PRCC: variants seen among roughly 807,000 people sequenced by gnomAD.
The protein encoded by PRCC is proline rich mitotic checkpoint control factor.
A neutral mutation model predicts 44.0 loss-of-function variants in PRCC; 10 were observed. The ratio of observed to expected loss-of-function variants is 0.23; its 90% CI spans 0.14 to 0.39. The LOEUF is 0.39. PRCC is among the 10% of genes least tolerant of loss of function. The pLI, the probability that PRCC is intolerant of heterozygous loss-of-function variation, is 1.00. For missense variants in PRCC, 573 were observed against 624.7 expected (o/e 0.92, Z 0.88); for synonymous variants, 278 against 259.5 (o/e 1.07, Z -0.69).
chr1:156,795,932 G>A lies in PRCC; in HGVS notation c.1323+1124G>A, dbSNP rs1429932425. On this transcript the variant is annotated intron_variant, in intron 5 of 6. Transcript: ENST00000271526. ...GCCCAGCACCAGCGAGACCAAGGTC[G>A]AGGATTTTGTTCCCTTTTCCTCCCC... 3.9e-5 allele frequency: 6 copies of A among 152,338 alleles called. No individual in the cohort carries two copies. In the East Asian group the frequency reaches 9.6e-4, roughly 24 times the overall value. 9.4% of individuals were successfully genotyped at this position (152,338 alleles called of 1,614,324 possible).
At chr1:156,781,758 A>G (rs1427303578) in intron 1 of PRCC, among the ~76,000 whole-genome samples, 3 of 152,220 alleles carry the variant, frequency 2.0e-5, no homozygotes, top group East Asian at 3.9e-4. Context: ...GATTTCTCCA[A>G]TGGCTTTGAC....
intron 5 of PRCC, 26 bp downstream of exon 5, chr1:156,794,834 G>A (rs1393412136): frequency 6.2e-7 from 1 of 1,613,390 alleles, no homozygotes; most frequent in Non-Finnish European, 8.5e-7. Flanking sequence ...CTATTGAGTG[G>A]TCAGCTTGGG....
In PRCC at chr1:156,795,283, G is replaced by GTGTTTTTTTTTTTT. The variant is rs1558055156; in HGVS notation, c.1323+477_1323+490dup. ...TCCTTCCAATTGTTTTCATTTTCTG[G>GTGTTTTTTTTTTTT]TGTTTTTTTTTTTTTTTTTTTTTTT... On this transcript the variant is annotated intron_variant, in intron 5 of 6. Coordinates refer to ENST00000271526, the MANE Select transcript of PRCC (RefSeq NM_005973.5). Among the ~76,000 whole-genome samples the GTGTTTTTTTTTTTT allele has an allele frequency of 1.6e-3, 58 of 36,136 alleles. 1 individual carries two copies. The Admixed American group carries it at 0.018, about 11-fold the overall frequency. 23.7% of individuals were successfully genotyped at this position (36,136 alleles called of 152,430 possible).
At chr1:156,773,895 C>T (rs751145949) in intron 1 of PRCC, among the ~76,000 whole-genome samples, 2 of 152,052 alleles carry the variant, frequency 1.3e-5, no homozygotes, top group African/African-American at 2.4e-5. Context: ...TATGTGCACA[C>T]GTTAGGATAT....
At chr1:156,799,750 G>A (rs1351642763) in intron 6 of PRCC, among the ~76,000 whole-genome samples, 3 of 152,204 alleles carry the variant, frequency 2.0e-5, no homozygotes, top group African/African-American at 7.2e-5. Context: ...CCTTTCTAGG[G>A]TGGTACTTCT....
intron 2 of PRCC, among the ~76,000 whole-genome samples, chr1:156,782,602 G>A (rs1452279675): frequency 3.9e-5 from 6 of 152,130 alleles, no homozygotes; most frequent in African/African-American, 1.2e-4. Flanking sequence ...AGTTCATTAC[G>A]TATAGTGTAA....
chr1:156,785,853 C>G (rs1652223549), intron 2 of PRCC, among the ~76,000 whole-genome samples: 2 of 150,604 alleles, frequency 1.3e-5, no homozygotes, highest in Admixed American at 1.3e-4. Flanking sequence ...ACTCTGTCAC[C>G]CAAGCTGGAG....
Position 156,786,676 on chromosome 1 carries a change from TAAC to T in PRCC, c.587_589del (p.Asn196del), listed in dbSNP as rs1488785422. 1.9e-6 allele frequency: 3 copies of T among 1,614,138 alleles called. No homozygotes were observed. Among genetic ancestry groups the T allele is most frequent in the Middle Eastern group, 3.3e-4 (2 of 6,062 alleles). On this transcript the variant is annotated inframe_deletion, in exon 3 of 7. Coordinates refer to ENST00000271526, the MANE Select transcript of PRCC (RefSeq NM_005973.5). ...CTAAAAACCTGACTGTGAAAGAGACTAACAGGTTGCTCCTGCCCCATGCCTTCT... is the reference window on the plus strand; with the variant it reads ...CTAAAAACCTGACTGTGAAAGAGACTAGGTTGCTCCTGCCCCATGCCTTCT...
intron 3 of PRCC, 73 bp from the exon 4 acceptor site, chr1:156,791,624 C>A: frequency 7.2e-7 from 1 of 1,389,016 alleles, no homozygotes; most frequent in Non-Finnish European, 9.9e-7. Context: ...TTTTCTGTTT[C>A]TGGACAGACC....
rs1297752056 is a variant in PRCC, at chr1:156,784,622, C to T, written c.517-1986C>T. Among the ~76,000 whole-genome samples the T allele has an allele frequency of 3.3e-5, 5 of 152,274 alleles. No individual in the cohort carries two copies. In the East Asian group the frequency reaches 9.7e-4, roughly 29 times the overall value. On this transcript the variant is annotated intron_variant, in intron 2 of 6. Transcript: ENST00000271526. ...TTCCAGGCTGGACCAAATCTGTGAA[C>T]ACACACACAGCAAGAAGAGCCCAGT...
At chr1:156,773,646 T>A (rs1558045675) in intron 1 of PRCC, among the ~76,000 whole-genome samples, 2 of 152,196 alleles carry the variant, frequency 1.3e-5, no homozygotes, top group Non-Finnish European at 1.5e-5. Flanking sequence ...TTTAGCACTC[T>A]CTAGAAGTTG....
intron 6 of PRCC, 35 bp from the exon 7 acceptor site, chr1:156,800,339 G>A (rs764014639): frequency 3.7e-6 from 6 of 1,604,730 alleles, no homozygotes; most frequent in Non-Finnish European, 5.1e-6. Flanking sequence ...CAGAATTCCA[G>A]TTTGACCCTC....
chr1:156,799,649 A>G (rs1652774223), intron 6 of PRCC, among the ~76,000 whole-genome samples: 1 of 151,384 alleles, frequency 6.6e-6, no homozygotes, highest in African/African-American at 2.4e-5. Flanking sequence ...TGAGAGTAGG[A>G]TATTATTTAA....
intron 3 of PRCC, among the ~76,000 whole-genome samples, chr1:156,789,475 A>G (rs1357150453): frequency 2.0e-5 from 3 of 152,180 alleles, no homozygotes; most frequent in South Asian, 2.1e-4. Flanking sequence ...GGATAAGGGA[A>G]TCTATGGCAT....
intron 1 of PRCC, among the ~76,000 whole-genome samples, chr1:156,777,277 G>C (rs1376150186): frequency 1.3e-5 from 2 of 152,088 alleles, no homozygotes; most frequent in African/African-American, 4.8e-5. Context: ...GCAAAAGCAC[G>C]GGCACTGGAA....
At chr1:156,785,430 T>C (rs1188952217) in intron 2 of PRCC, among the ~76,000 whole-genome samples, 1 of 151,820 alleles carries the variant, frequency 6.6e-6, no homozygotes, top group African/African-American at 2.4e-5. Flanking sequence ...AGAGAATTGC[T>C]TGAACCTGGG....
Position 156,767,764 on chromosome 1 carries a change from G to A in PRCC, c.-8G>A, listed in dbSNP as rs1449257496. The A allele has an allele frequency of 3.8e-6, 6 of 1,589,010 alleles. No individual in the cohort carries two copies. The East Asian group carries it at 9.1e-5, about 24-fold the overall frequency. On this transcript the variant is annotated 5_prime_UTR_variant, in exon 1 of 7. Coordinates refer to ENST00000271526, the MANE Select transcript of PRCC (RefSeq NM_005973.5). Reference sequence around the variant, plus strand: ...GCCGGCAAGGGCGCCCGAAACGCGGGAGGCGCCATGTCGCTGGTTGCTTAC... The same window carrying A: ...GCCGGCAAGGGCGCCCGAAACGCGGAAGGCGCCATGTCGCTGGTTGCTTAC...
rs76143906 is a variant in PRCC, at chr1:156,800,262, A to G, written c.1390-112A>G. 3.4e-3 allele frequency: 3,368 copies of G among 982,834 alleles called. 120 individuals are homozygous for G. In the East Asian group the frequency reaches 0.076, roughly 22 times the overall value. 60.9% of individuals were successfully genotyped at this position (982,834 alleles called of 1,614,324 possible). ...CTTTCAAGGGGTTTGCAGTTCCCCC[A>G]TAATCGTTTTGATAGGAGAAAGATT... On this transcript the variant is annotated intron_variant, in intron 6 of 6. Coordinates refer to ENST00000271526, the MANE Select transcript of PRCC (RefSeq NM_005973.5).
chr1:156,781,703 A>G (rs1376705369), intron 1 of PRCC, among the ~76,000 whole-genome samples: 1 of 152,230 alleles, frequency 6.6e-6, no homozygotes, highest in Non-Finnish European at 1.5e-5. Flanking sequence ...CTTCCTGGAC[A>G]TGAACAACTG....
Sources: gnomAD v4.1 joint callset for allele counts (sites outside exome capture counted in the v4.1 genomes callset) on GRCh38, gnomAD v4.1.1 for gene constraint, MANE v1.5 for transcripts, NCBI Gene and HGNC (gene_info 2026-07-23, HGNC 2026-07-21) for gene names.